CACNA1E: variants seen among roughly 807,000 people sequenced by gnomAD.
CACNA1E encodes the protein voltage-dependent R-type calcium channel subunit alpha-1E.
A neutral mutation model predicts 259.2 loss-of-function variants in CACNA1E; 40 were observed. The ratio of observed to expected loss-of-function variants is 0.15; its 90% CI spans 0.12 to 0.20. The LOEUF is 0.20. Among genes scored for constraint, CACNA1E ranks in the 10% least tolerant of loss-of-function variants. The pLI is 1.00. For synonymous variants in CACNA1E, 1,104 were observed against 1,138.5 expected (o/e 0.97, Z 0.61); for missense variants, 1,874 against 3,040.1 (o/e 0.62, Z 9.02).
chr1:181,483,566 C>G lies in CACNA1E; in HGVS notation c.-179C>G. On this transcript the variant is annotated 5_prime_UTR_variant, in exon 1 of 48. Coordinates refer to ENST00000367573, the MANE Select transcript of CACNA1E (RefSeq NM_001205293.3). ...GAGGTTGCATTTAGATTCAACAGTT[C>G]ACAGCGGCGGGCTGCTGCTGCTGCC... The G allele has an allele frequency of 2.8e-6, 1 of 353,170 alleles. No individual in the cohort carries two copies. The highest frequency in any genetic ancestry group is 5.1e-6 in the Non-Finnish European group (1 of 194,820). The allele number at this position is 353,170 out of a possible 1,614,324, so 21.9% of individuals were successfully genotyped here.
chr1:181,597,916 C>A (rs1012696931), intron 6 of CACNA1E, among the ~76,000 whole-genome samples: 5 of 152,202 alleles, frequency 3.3e-5, no homozygotes, highest in Admixed American at 3.3e-4. Flanking sequence ...CAATCACCTC[C>A]CACCGGCTTC....
intron 3 of CACNA1E, among the ~76,000 whole-genome samples, chr1:181,554,002 C>G (rs191347405): frequency 6.6e-6 from 1 of 151,994 alleles, no homozygotes; most frequent in African/African-American, 2.4e-5. Flanking sequence ...ATAGCAAAGT[C>G]AGTATTTGAA....
intron 12 of CACNA1E, among the ~76,000 whole-genome samples, chr1:181,718,445 A>C (rs569536651): frequency 6.6e-6 from 1 of 152,186 alleles, no homozygotes; most frequent in South Asian, 2.1e-4. Context: ...AGAGTTTACA[A>C]AGCTACCCAT....
chr1:181,460,570 C>T (rs548134762), intron 2 of CACNA1E, among the ~76,000 whole-genome samples: 2 of 152,332 alleles, frequency 1.3e-5, no homozygotes, highest in African/African-American at 4.8e-5. Flanking sequence ...CTGGGGAGAA[C>T]TGAAGACCTT....
intron 7 of CACNA1E, among the ~76,000 whole-genome samples, chr1:181,687,860 C>T (rs1466429803): frequency 1.3e-5 from 2 of 152,122 alleles, no homozygotes; most frequent in African/African-American, 2.4e-5. Flanking sequence ...ACTAGAATCA[C>T]ATAGAATATG....
In CACNA1E at chr1:181,720,284, C is replaced by G; in HGVS notation, c.1830C>G (p.Leu610=). The change falls in exon 14 of 48, where the codon CTC becomes CTG. Residue 610 remains leucine, a synonymous_variant. Coordinates refer to ENST00000367573, the MANE Select transcript of CACNA1E (RefSeq NM_001205293.3). ...CTATCATCAGTTTGCTTTTCCTCCTCTTCCTCTTCATCGTTGTCTTTGCTC... is the reference window on the plus strand; with the variant it reads ...CTATCATCAGTTTGCTTTTCCTCCTGTTCCTCTTCATCGTTGTCTTTGCTC... ...MKSIISLLFL[L]FLFIVVFALL... 6.2e-7 allele frequency: 1 copy of G among 1,613,884 alleles called. No homozygotes were observed. Among genetic ancestry groups the G allele is most frequent in the Non-Finnish European group, 8.5e-7 (1 of 1,179,856 alleles).
At chr1:181,493,276 C>T (rs1329072666) in intron 1 of CACNA1E, among the ~76,000 whole-genome samples, 1 of 152,148 alleles carries the variant, frequency 6.6e-6, no homozygotes, top group Non-Finnish European at 1.5e-5. Flanking sequence ...ATATCAAAGC[C>T]TTTATGAGCA....
chr1:181,330,211 C>T (rs1470528503), intron 1 of CACNA1E, among the ~76,000 whole-genome samples: 1 of 152,154 alleles, frequency 6.6e-6, no homozygotes. Context: ...GCTGAGGCCC[C>T]TTCCTGAGCT....
intron 7 of CACNA1E, among the ~76,000 whole-genome samples, chr1:181,697,292 T>C (rs1007604739): frequency 1.1e-4 from 16 of 152,252 alleles, no homozygotes; most frequent in African/African-American, 3.9e-4. Context: ...TCTCTAGACC[T>C]ATCTGTGGTC....
intron 7 of CACNA1E, among the ~76,000 whole-genome samples, chr1:181,660,993 T>C (rs983917829): frequency 6.6e-6 from 1 of 152,114 alleles, no homozygotes; most frequent in African/African-American, 2.4e-5. Flanking sequence ...TAGGAAGAGA[T>C]AGCAACAGGG....
chr1:181,553,257 G>A (rs1314180171), intron 3 of CACNA1E, among the ~76,000 whole-genome samples: 2 of 152,038 alleles, frequency 1.3e-5, no homozygotes, highest in Non-Finnish European at 2.9e-5. Context: ...TATTCTTTTT[G>A]TAGCGATTGT....
chr1:181,466,870 G>T (rs1242225391), intron 2 of CACNA1E, among the ~76,000 whole-genome samples: 1 of 152,146 alleles, frequency 6.6e-6, no homozygotes, highest in Non-Finnish European at 1.5e-5. Context: ...TTTACAAAGA[G>T]AATAAAATAG....
At chr1:181,582,701 A>C (rs1651659234) in intron 6 of CACNA1E, among the ~76,000 whole-genome samples, 1 of 152,138 alleles carries the variant, frequency 6.6e-6, no homozygotes, top group African/African-American at 2.4e-5. Flanking sequence ...CATCTATTAC[A>C]TGCCAAGCAC....
Position 181,454,323 on chromosome 1 carries a change from C to T in CACNA1E, c.435-29421C>T, listed in dbSNP as rs564428748. Among the ~76,000 whole-genome samples, 5 of 152,378 alleles carry T rather than the reference C, an allele frequency of 3.3e-5. No homozygotes were observed. In the South Asian group the frequency reaches 1.0e-3, roughly 32 times the overall value. On this transcript the variant is annotated intron_variant, in intron 2 of 11. Transcript: ENST00000524607. ...GACCTTGGACAAGACTCTTAACCTT[C>T]TCTGTACATTATTCCTATTCAAACA...
intron 3 of CACNA1E, among the ~76,000 whole-genome samples, chr1:181,541,877 G>T (rs1297202963): frequency 6.6e-6 from 1 of 152,308 alleles, no homozygotes; most frequent in East Asian, 1.9e-4. Flanking sequence ...ATGTCCTCAT[G>T]TAGGCCCTTG....
At chr1:181,686,026 C>A (rs1650500289) in intron 7 of CACNA1E, among the ~76,000 whole-genome samples, 1 of 151,744 alleles carries the variant, frequency 6.6e-6, no homozygotes, top group African/African-American at 2.4e-5. Context: ...GCCACCCCCA[C>A]CCGCCCCCAC....
chr1:181,341,856 T>A (rs917260882), intron 1 of CACNA1E, among the ~76,000 whole-genome samples: 1 of 152,238 alleles, frequency 6.6e-6, no homozygotes, highest in African/African-American at 2.4e-5. Flanking sequence ...TTTTATTGAA[T>A]GCTCACTCTG....
chr1:181,510,704 TG>T (rs1253065362), intron 2 of CACNA1E, 122 bp downstream of exon 2: 2 of 678,958 alleles, frequency 2.9e-6, no homozygotes, highest in East Asian at 5.5e-5. Flanking sequence ...TGCTCTTTGC[TG>T]GGGGACAAGC....
rs2102834570 is a variant in CACNA1E at position 181,783,754 on chromosome 1, C to T, written c.5440C>T (p.Arg1814Trp). 1 of 1,610,010 alleles carries T rather than the reference C, an allele frequency of 6.2e-7. No homozygotes were observed. The highest frequency in any genetic ancestry group is 8.5e-7 in the Non-Finnish European group (1 of 1,178,888). ...CACCTCCACACTTATGGCTCTGATC[C>T]GGACAGCTCTGGACATTAAAATTGC... Reference protein sequence around the residue: ...HFTSTLMALIRTALDIKIAKG... With the variant: ...HFTSTLMALIWTALDIKIAKG... Residue 1814 changes from arginine (R) to tryptophan (W), a missense_variant, in exon 40 of 48, where the codon CGG becomes TGG. Arg to Trp is a moderately radical substitution (Grantham distance 101). Coordinates refer to ENST00000367573, the MANE Select transcript of CACNA1E (RefSeq NM_001205293.3).
Sources: allele counts gnomAD v4.1 joint callset (sites outside exome capture counted in the v4.1 genomes callset), GRCh38; gene constraint gnomAD v4.1.1; transcripts MANE v1.5; gene names NCBI Gene and HGNC (gene_info 2026-07-23, HGNC 2026-07-21).